PDE1C: variants seen among roughly 807,000 people sequenced by gnomAD.
The protein encoded by PDE1C is phosphodiesterase 1C, also known as dual specificity calcium/calmodulin-dependent 3',5'-cyclic nucleotide phosphodiesterase 1C.
A neutral mutation model predicts 93.1 loss-of-function variants in PDE1C; 62 were observed. That is an observed-to-expected ratio of 0.67 (90% CI 0.54 to 0.82). The LOEUF (loss-of-function observed/expected upper bound fraction) is 0.82, where lower values mean the gene tolerates loss of function less well. Ranked by LOEUF, PDE1C falls within the 40% of genes least tolerant of loss-of-function variation. PDE1C has a pLI of 0.00. For missense variants in PDE1C, 742 were observed against 884.6 expected, an observed-to-expected ratio of 0.84 and a Z score of 2.04; for synonymous variants, 325 against 310.1, an observed-to-expected ratio of 1.05 and a Z score of -0.50.
At chr7:31,930,322 C>T (rs976426000) in intron 2 of PDE1C, among the ~76,000 whole-genome samples, 3 of 152,132 alleles carry the variant, frequency 2.0e-5, no homozygotes, top group Admixed American at 1.3e-4. Context: ...CCAAATTCCA[C>T]CAGAGGTACA....
chr7:32,023,068 G>A (rs569043884), intron 2 of PDE1C, among the ~76,000 whole-genome samples: 1 of 151,752 alleles, frequency 6.6e-6, no homozygotes, highest in African/African-American at 2.4e-5. Context: ...CACAAGACTG[G>A]CCAACCAATT....
chr7:32,306,083 C>T (rs115809723), intron 1 of PDE1C, among the ~76,000 whole-genome samples: 1,597 of 152,240 alleles, frequency 0.01, 17 homozygotes, highest in Middle Eastern at 0.044. Flanking sequence ...AAACCCCTTT[C>T]ACTTGATCCT....
intron 3 of PDE1C, among the ~76,000 whole-genome samples, chr7:32,162,237 A>T (rs1311259771): frequency 6.6e-6 from 1 of 152,166 alleles, no homozygotes; most frequent in Non-Finnish European, 1.5e-5. Flanking sequence ...GTTCCCTCCC[A>T]CTAGAGCCCA....
At chr7:32,317,599 CATT>C (rs1466711495) in intron 1 of PDE1C, among the ~76,000 whole-genome samples, 3 of 148,674 alleles carry the variant, frequency 2.0e-5, no homozygotes, top group Non-Finnish European at 4.5e-5. Flanking sequence ...TTTTTTTTTA[CATT>C]ATTAGTGTCA....
chr7:32,401,168 G>A (rs544396720), intron 1 of PDE1C, among the ~76,000 whole-genome samples: 157 of 152,314 alleles, frequency 1.0e-3, no homozygotes, highest in African/African-American at 3.5e-3. Flanking sequence ...TTTTATGTAT[G>A]TATGTATGTG....
chr7:32,404,769 C>T (rs950483762), intron 1 of PDE1C, among the ~76,000 whole-genome samples: 13 of 152,098 alleles, frequency 8.5e-5, no homozygotes, highest in African/African-American at 2.9e-4. Context: ...TTGACTGAGA[C>T]AGGAAAACAA....
the PDE1C span, among the ~76,000 whole-genome samples, chr7:31,737,626 A>C: frequency 6.6e-6 from 1 of 151,918 alleles, no homozygotes; most frequent in Non-Finnish European, 1.5e-5. Context: ...ACATGGTGAA[A>C]TCCTGTCTCT....
At chr7:32,087,967 A>G (rs991454496) in intron 3 of PDE1C, among the ~76,000 whole-genome samples, 1 of 151,960 alleles carries the variant, frequency 6.6e-6, no homozygotes, top group Non-Finnish European at 1.5e-5. Flanking sequence ...AAACCTGCAC[A>G]TTGTGCACAT....
intron 2 of PDE1C, among the ~76,000 whole-genome samples, chr7:31,996,296 A>G (rs962411453): frequency 1.3e-5 from 2 of 151,808 alleles, no homozygotes; most frequent in African/African-American, 2.4e-5. Context: ...GCCCCAAGCT[A>G]GAACAGTAAC....
intron 1 of PDE1C, among the ~76,000 whole-genome samples, chr7:32,408,882 T>C (rs1785111416): frequency 6.6e-6 from 1 of 152,128 alleles, no homozygotes; most frequent in South Asian, 2.1e-4. Context: ...AAGAAAATTT[T>C]CTAAGAAAAT....
At chr7:32,198,580 A>G (rs949120404) in intron 2 of PDE1C, among the ~76,000 whole-genome samples, 3 of 152,246 alleles carry the variant, frequency 2.0e-5, no homozygotes, top group Admixed American at 2.0e-4. Flanking sequence ...ACTGTGGTCC[A>G]AGATGGCAGC....
chr7:31,629,793 C>T, the PDE1C span, among the ~76,000 whole-genome samples: 1 of 152,116 alleles, frequency 6.6e-6, no homozygotes, highest in East Asian at 1.9e-4. Flanking sequence ...TGAAGCAACA[C>T]TTCAGATAAG....
At position 32,414,830 on chromosome 7, in the gene PDE1C, T is replaced by TAA. The variant is rs11438774; in HGVS notation, c.310+12990_310+12991dup. ...TTAGAGAAAACAATGATGCCAATGATAAAAAAAAAAAAGCCTGTAAAAAGA... is the reference window on the plus strand; with the variant it reads ...TTAGAGAAAACAATGATGCCAATGATAAAAAAAAAAAAAAGCCTGTAAAAAGA... On this transcript the variant is annotated intron_variant, in intron 1 of 1. Coordinates refer to the PDE1C transcript ENST00000672256. 4.2e-3 allele frequency among the ~76,000 whole-genome samples: 587 copies of TAA among 138,828 alleles called. 1 individual carries two copies. Among genetic ancestry groups the TAA allele is most frequent in the African/African-American group, 0.011 (377 of 34,080 alleles). 91.1% of individuals were successfully genotyped at this position (138,828 alleles called of 152,430 possible).
At chr7:31,738,905 G>A in the PDE1C span, among the ~76,000 whole-genome samples, 3,959 of 152,188 alleles carry the variant, frequency 0.026, 66 homozygotes, top group Middle Eastern at 0.041. Context: ...AGGAAAGCCT[G>A]TGCCATGGAG....
intron 3 of PDE1C, among the ~76,000 whole-genome samples, chr7:32,080,181 C>T (rs184521978): frequency 6.6e-5 from 10 of 152,078 alleles, no homozygotes; most frequent in East Asian, 3.9e-4. Context: ...AGGAGGCAGG[C>T]GGGTGGGGAC....
chr7:31,646,320 G>C, the PDE1C span, among the ~76,000 whole-genome samples: 9 of 152,236 alleles, frequency 5.9e-5, no homozygotes, highest in Admixed American at 2.0e-4. Context: ...GAGGTACTAG[G>C]GGTGTCCTGA....
At chr7:31,983,404 T>C in intron 2 of PDE1C, among the ~76,000 whole-genome samples, 1 of 152,130 alleles carries the variant, frequency 6.6e-6, no homozygotes, top group Non-Finnish European at 1.5e-5. Context: ...TCATTTAAGA[T>C]CAATTCATGG....
intron 2 of PDE1C, among the ~76,000 whole-genome samples, chr7:31,985,266 A>G (rs1445749060): frequency 6.6e-6 from 1 of 152,170 alleles, no homozygotes; most frequent in Non-Finnish European, 1.5e-5. Flanking sequence ...TAAAAGCACT[A>G]AAGGGGTCTA....
intron 1 of PDE1C, among the ~76,000 whole-genome samples, chr7:32,223,337 G>A (rs1012356628): frequency 2.3e-4 from 35 of 152,308 alleles, no homozygotes; most frequent in African/African-American, 6.7e-4. Flanking sequence ...TGCAGTCTTT[G>A]TAACAGGGCT....
Sources: gnomAD v4.1 joint callset for allele counts (sites outside exome capture counted in the v4.1 genomes callset) on GRCh38, gnomAD v4.1.1 for gene constraint, MANE v1.5 for transcripts, NCBI Gene and HGNC (gene_info 2026-07-23, HGNC 2026-07-21) for gene names.